Variants in JPH2 observed in about 807,000 individuals in gnomAD.
JPH2 encodes junctophilin 2, also known as junctophilin-2.
JPH2 carries 38 observed loss-of-function variants against 55.9 expected under a neutral mutation model. The observed-to-expected ratio is 0.68, with a 90% CI of 0.52 to 0.89. The LOEUF (loss-of-function observed/expected upper bound fraction) is 0.89, where lower values mean the gene tolerates loss of function less well. Ranked by LOEUF, JPH2 falls within the 40% of genes least tolerant of loss-of-function variation. The pLI is 0.00. For synonymous variants in JPH2, 480 were observed against 472.4 expected (o/e 1.02, Z -0.21); for missense variants, 964 against 1,037.6 (o/e 0.93, Z 0.97).
At chr20:44,176,553 G>T (rs1471741437) in intron 1 of JPH2, among the ~76,000 whole-genome samples, 1 of 152,036 alleles carries the variant, frequency 6.6e-6, no homozygotes, top group Non-Finnish European at 1.5e-5. Context: ...TATAATCCCA[G>T]CAATTTGGGA....
rs1289939559 is a variant in JPH2, at chr20:44,134,160, T to TATAA, written c.1170-15541_1170-15538dup. Among the ~76,000 whole-genome samples, 24 of 14,736 alleles carry TATAA rather than the reference T, an allele frequency of 1.6e-3. 3 individuals carry two copies. The highest frequency in any genetic ancestry group is 1.9e-3 in the African/African-American group (9 of 4,638). The allele number at this position is 14,736 out of a possible 152,430, so 9.7% of individuals were successfully genotyped here. On this transcript the variant is annotated intron_variant, in intron 2 of 5. Transcript: ENST00000372980. ...TATAAATAAATATTTATTATAAATA[T>TATAA]ATAAATATTTATTATAAATATATAA...
rs1569192621 is a variant in JPH2, at chr20:44,134,059, T to TTATA, written c.1170-15440_1170-15437dup. Among the ~76,000 whole-genome samples the TTATA allele has an allele frequency of 8.0e-5, 2 of 25,012 alleles. 1 individual carries two copies. The highest frequency in any genetic ancestry group is 1.3e-4 in the Non-Finnish European group (2 of 15,966). 16.4% of individuals were successfully genotyped at this position (25,012 alleles called of 152,430 possible). A position where few individuals can be genotyped will look rare whatever the true frequency, so the allele number is the denominator to read the frequency against. On this transcript the variant is annotated intron_variant, in intron 2 of 5. Transcript: ENST00000372980. ...ATATTTATATATAAATATATATTTATTATAAATATATAAATATATATTTAT... is the reference window on the plus strand; with the variant it reads ...ATATTTATATATAAATATATATTTATTATATATAAATATATAAATATATATTTAT...
intron 2 of JPH2, among the ~76,000 whole-genome samples, chr20:44,132,916 C>G (rs2903674): frequency 0.034 from 123 of 3,596 alleles, 29 homozygotes; most frequent in Non-Finnish European, 0.046. Context: ...CTCCCACCGC[C>G]CCCTTCCACG....
intron 1 of JPH2, among the ~76,000 whole-genome samples, chr20:44,182,843 G>T (rs1490795754): frequency 6.6e-6 from 1 of 152,198 alleles, no homozygotes; most frequent in Non-Finnish European, 1.5e-5. Flanking sequence ...CCTAAAACTT[G>T]CTGTAAAGCA....
chr20:44,157,016 G>C (rs1045101872), intron 2 of JPH2, among the ~76,000 whole-genome samples: 1 of 152,254 alleles, frequency 6.6e-6, no homozygotes, highest in African/African-American at 2.4e-5. Context: ...TTGCTTGCCA[G>C]GTAGTCTTGG....
At position 44,134,671 on chromosome 20, in the gene JPH2, T is replaced by A. The variant is rs370263809; in HGVS notation, c.1170-16048A>T. ...TATTTATTATAAATATATATAAATA[T>A]ATATTTATAAATATTATAAATATAT... is the stretch of plus-strand genomic sequence containing the variant. On this transcript the variant is annotated intron_variant, in intron 2 of 5. Coordinates refer to ENST00000372980, the MANE Select transcript of JPH2 (RefSeq NM_020433.5). 9.2e-4 allele frequency among the ~76,000 whole-genome samples: 27 copies of A among 29,224 alleles called. 1 individual carries two copies. The highest frequency in any genetic ancestry group is 3.5e-3 in the African/African-American group (24 of 6,762). 19.2% of individuals were successfully genotyped at this position (29,224 alleles called of 152,430 possible).
At chr20:44,169,171 GTATT>G (rs1444395202) in intron 1 of JPH2, among the ~76,000 whole-genome samples, 24 of 83,854 alleles carry the variant, frequency 2.9e-4, no homozygotes, top group Non-Finnish European at 3.8e-4. Flanking sequence ...CTGGCCTTGG[GTATT>G]TTTTTTTTTT....
intron 2 of JPH2, among the ~76,000 whole-genome samples, chr20:44,149,226 T>C (rs914936565): frequency 6.6e-6 from 1 of 151,988 alleles, no homozygotes; most frequent in Non-Finnish European, 1.5e-5. Context: ...CCATGTTTCA[T>C]GTCTCCACCA....
At chr20:44,146,779 G>C (rs531674048) in intron 2 of JPH2, among the ~76,000 whole-genome samples, 2 of 152,210 alleles carry the variant, frequency 1.3e-5, no homozygotes, top group Non-Finnish European at 2.9e-5. Flanking sequence ...AAAATTTTTT[G>C]AGTTTGGCAA....
chr20:44,159,935 G>T lies in JPH2; in HGVS notation c.852C>A (p.Asp284Glu), dbSNP rs747209399. ...DEAAPFEADI[D>E]ATTTETYMGE... ...CCATGTAGGTCTCGGTGGTGGTGGC[G>T]TCGATATCGGCCTCGAAGGGTGCGG... The change falls in exon 2 of 6, where the codon GAC becomes GAA. Residue 284 changes from aspartate (D) to glutamate (E), a missense_variant. Coordinates refer to ENST00000372980, the MANE Select transcript of JPH2 (RefSeq NM_020433.5). The surrounding 1 kb of genome is among the most constrained non-coding windows in gnomAD (Gnocchi z 5.7). 2.3e-5 allele frequency: 37 copies of T among 1,583,890 alleles called. No homozygotes were observed. The highest frequency in any genetic ancestry group is 3.2e-5 in the Non-Finnish European group (37 of 1,168,358).
chr20:44,129,717 G>T (rs559410648), intron 2 of JPH2, among the ~76,000 whole-genome samples: 3 of 152,260 alleles, frequency 2.0e-5, no homozygotes, highest in African/African-American at 7.2e-5. Flanking sequence ...AGAGGGCTTT[G>T]CAGGTGTGAT....
At chr20:44,117,466 G>A (rs1288775573) in intron 3 of JPH2, among the ~76,000 whole-genome samples, 1 of 152,198 alleles carries the variant, frequency 6.6e-6, no homozygotes, top group African/African-American at 2.4e-5. Context: ...CTCTGTCCGA[G>A]TTTCTGTGCC....
Position 44,120,218 on chromosome 20 carries a change from A to G in JPH2, c.1170-1595T>C, listed in dbSNP as rs895865191. Among the ~76,000 whole-genome samples the G allele has an allele frequency of 4.8e-4, 73 of 152,062 alleles. 2 individuals are homozygous for G. Among genetic ancestry groups the G allele is most frequent in the Non-Finnish European group, 4.7e-4 (32 of 68,026 alleles). On this transcript the variant is annotated intron_variant, in intron 2 of 5. Coordinates refer to ENST00000372980, the MANE Select transcript of JPH2 (RefSeq NM_020433.5). ...GTTCATGGACCCCTGAAATCTATCC[A>G]CAGACCCTCCTGTGGACTCCAAGTT...
rs778410296 is a variant in JPH2 at position 44,115,724 on chromosome 20, T to C, written c.1951A>G (p.Lys651Glu). The change falls in exon 4 of 6, where the codon AAG becomes GAG. Residue 651 changes from lysine (K) to glutamate (E), a missense_variant. Physicochemically the swap from Lys to Glu is moderately conservative, Grantham distance 56 (BLOSUM62 1). Transcript: ENST00000372980. ...GCGGCCTCCTTCCGCGCCTTCTTCT[T>C]GGCCCCCGCCTTGGTCAGCCCTCGA... ...EARGLTKAGAKKKARKEAALA... is the reference protein window; with the variant it reads ...EARGLTKAGAEKKARKEAALA... 5.0e-6 allele frequency: 8 copies of C among 1,613,476 alleles called. No individual in the cohort carries two copies. The Admixed American group carries it at 1.0e-4, about 20-fold the overall frequency.
chr20:44,125,558 T>C (rs991181921), intron 2 of JPH2, among the ~76,000 whole-genome samples: 1 of 152,166 alleles, frequency 6.6e-6, no homozygotes, highest in Non-Finnish European at 1.5e-5. Context: ...AGGTCCGTCA[T>C]GTGCTGGGGC....
At chr20:44,169,612 A>C (rs1344754345) in intron 1 of JPH2, among the ~76,000 whole-genome samples, 1 of 152,204 alleles carries the variant, frequency 6.6e-6, no homozygotes, top group Admixed American at 6.5e-5. Context: ...CAGAATGGAC[A>C]CTGAGAACAC....
Position 44,114,824 on chromosome 20 carries a change from G to C in JPH2, c.2063C>G (p.Ala688Gly). ...GGTCAGGAGGTGAACAAAGAGGATG[G>C]CCAGGCCGATGTTCAGCAGGATCAC... ...CMVILLNIGL[A>G]ILFVHLLT The change falls in exon 5 of 6, where the codon GCC (alanine) becomes GGC (glycine). Residue 688 changes from alanine (A) to glycine (G), a missense_variant. Transcript: ENST00000372980. The C allele has an allele frequency of 1.2e-6, 2 of 1,607,424 alleles. No individual in the cohort carries two copies. The highest frequency in any genetic ancestry group is 1.7e-6 in the Non-Finnish European group (2 of 1,177,580).
intron 1 of JPH2, among the ~76,000 whole-genome samples, chr20:44,165,248 G>C (rs998259018): frequency 1.3e-5 from 2 of 150,736 alleles, no homozygotes; most frequent in Non-Finnish European, 2.9e-5. Context: ...GATACAGTTG[G>C]TTTTTGTAAT....
chr20:44,124,761 C>T (rs2072263793), intron 2 of JPH2, among the ~76,000 whole-genome samples: 3 of 151,984 alleles, frequency 2.0e-5, no homozygotes, highest in South Asian at 2.1e-4. Flanking sequence ...CAGCCTGCTG[C>T]CAGCTTTTGT....
Sources: gnomAD v4.1 joint callset for allele counts (sites outside exome capture counted in the v4.1 genomes callset) on GRCh38, gnomAD v4.1.1 for gene constraint, Gnocchi (gnomAD v3.1) non-coding constraint, MANE v1.5 for transcripts, NCBI Gene and HGNC (gene_info 2026-07-23, HGNC 2026-07-21) for gene names.